Variants in UTS2 observed in about 807,000 individuals in gnomAD.
The protein encoded by UTS2 is urotensin-2.
In UTS2, 10 loss-of-function variants were observed where a neutral mutation model predicts 12.6. The ratio of observed to expected loss-of-function variants is 0.80; its 90% CI spans 0.49 to 1.35. The LOEUF (loss-of-function observed/expected upper bound fraction) is 1.35, where lower values mean the gene tolerates loss of function less well. UTS2 is among the 40% of genes most tolerant of loss of function. UTS2 has a pLI of 0.00. For missense variants in UTS2, 142 were observed against 143.2 expected (o/e 0.99, Z 0.04); for synonymous variants, 52 against 50.0 (o/e 1.04, Z -0.17).
the UTS2 span, among the ~76,000 whole-genome samples, chr1:7,871,872 C>A: frequency 7.4e-6 from 1 of 136,000 alleles, no homozygotes; most frequent in African/African-American, 3.0e-5. Context: ...CCCCATCTCT[C>A]CCTCTCCTTG....
chr1:7,867,893 T>G, the UTS2 span, among the ~76,000 whole-genome samples: 5 of 151,988 alleles, frequency 3.3e-5, no homozygotes, highest in Non-Finnish European at 7.4e-5. Context: ...AATAAATAAA[T>G]AAATAAACCT....
chr1:7,854,117 G>A (rs228647), upstream of UTS2, among the ~76,000 whole-genome samples: 77,699 of 151,480 alleles, frequency 0.51, 20,432 homozygotes, highest in Middle Eastern at 0.78. Flanking sequence ...AGGCTGAGGC[G>A]GATGGATCAC....
the UTS2 span, among the ~76,000 whole-genome samples, chr1:7,862,976 ATTTATTGTGTTGTGT>A: frequency 0.25 from 32,245 of 129,792 alleles, 4,389 homozygotes; most frequent in African/African-American, 0.28. Flanking sequence ...GACGGCCGTT[ATTTATTGTGTTGTGT>A]TGTATTGTAT....
At chr1:7,858,703 C>G in the UTS2 span, among the ~76,000 whole-genome samples, 1 of 152,176 alleles carries the variant, frequency 6.6e-6, no homozygotes, top group African/African-American at 2.4e-5. Context: ...CACGCTTCAG[C>G]CTCCCAAGTA....
At chr1:7,869,317 C>G in the UTS2 span, among the ~76,000 whole-genome samples, 1 of 152,202 alleles carries the variant, frequency 6.6e-6, no homozygotes, top group Non-Finnish European at 1.5e-5. Flanking sequence ...TGAGCCCTTT[C>G]AAGGGCAGCC....
the UTS2 span, among the ~76,000 whole-genome samples, chr1:7,893,788 T>C: frequency 6.6e-6 from 1 of 152,180 alleles, no homozygotes; most frequent in Non-Finnish European, 1.5e-5. Flanking sequence ...ACCCATATAT[T>C]TCGTCGCACT....
At chr1:7,911,950 TG>T in the UTS2 span, among the ~76,000 whole-genome samples, 1 of 152,018 alleles carries the variant, frequency 6.6e-6, no homozygotes, top group Non-Finnish European at 1.5e-5. Context: ...GATTCTGGCT[TG>T]TTATATACCT....
At chr1:7,881,474 G>C in the UTS2 span, among the ~76,000 whole-genome samples, 1 of 152,128 alleles carries the variant, frequency 6.6e-6, no homozygotes, top group Non-Finnish European at 1.5e-5. Flanking sequence ...AATCAGTGGT[G>C]TTCCCATACA....
At chr1:7,849,736 C>G in intron 2 of UTS2, 53 bp from the exon 3 acceptor site, 1 of 1,486,062 alleles carries the variant, frequency 6.7e-7, no homozygotes, top group Non-Finnish European at 9.2e-7. Flanking sequence ...CTCTTGTATG[C>G]TTGTTTTAAA....
chr1:7,880,820 CA>C, the UTS2 span, among the ~76,000 whole-genome samples: 1 of 152,090 alleles, frequency 6.6e-6, no homozygotes, highest in African/African-American at 2.4e-5. Context: ...ACCCTGATAC[CA>C]AACCCAGACA....
the UTS2 span, among the ~76,000 whole-genome samples, chr1:7,871,882 G>A: frequency 2.4e-5 from 3 of 126,130 alleles, no homozygotes; most frequent in South Asian, 2.3e-4. Context: ...CCCTCTCCTT[G>A]GGCCTCCTCA....
chr1:7,905,751 T>C, the UTS2 span, among the ~76,000 whole-genome samples: 1 of 152,182 alleles, frequency 6.6e-6, no homozygotes, highest in Non-Finnish European at 1.5e-5. Context: ...TTGTATTTCT[T>C]CCTTGGTGAA....
the UTS2 span, among the ~76,000 whole-genome samples, chr1:7,907,418 G>A: frequency 3.0e-4 from 45 of 151,436 alleles, no homozygotes; most frequent in African/African-American, 8.3e-4. Flanking sequence ...AGGCTGAGGC[G>A]GGAGGATTTC....
intron 2 of UTS2, among the ~76,000 whole-genome samples, chr1:7,849,904 C>T (rs917801499): frequency 3.3e-5 from 5 of 151,902 alleles, no homozygotes; most frequent in Non-Finnish European, 5.9e-5. Flanking sequence ...TCCAGTAGCT[C>T]GTCAAAGATA....
chr1:7,860,013 C>T, the UTS2 span, among the ~76,000 whole-genome samples: 1 of 151,358 alleles, frequency 6.6e-6, no homozygotes, highest in Non-Finnish European at 1.5e-5. Flanking sequence ...AAAATGCATA[C>T]ATATATATAT....
the UTS2 span, among the ~76,000 whole-genome samples, chr1:7,908,222 C>T: frequency 1.3e-5 from 2 of 151,168 alleles, no homozygotes; most frequent in Admixed American, 6.6e-5. Context: ...TCACTTGAAC[C>T]TGGAGTCAGA....
chr1:7,898,966 C>T, the UTS2 span, among the ~76,000 whole-genome samples: 6 of 152,004 alleles, frequency 3.9e-5, no homozygotes, highest in Admixed American at 1.3e-4. Flanking sequence ...TGAATTGGCT[C>T]GAGGTTCCAT....
At chr1:7,897,793 G>A in the UTS2 span, among the ~76,000 whole-genome samples, 1 of 152,048 alleles carries the variant, frequency 6.6e-6, no homozygotes, top group Non-Finnish European at 1.5e-5. Flanking sequence ...CACCATGTTG[G>A]CCAGGCTGGT....
chr1:7,878,045 A>T, the UTS2 span, among the ~76,000 whole-genome samples: 1 of 152,244 alleles, frequency 6.6e-6, no homozygotes, highest in Admixed American at 6.5e-5. Flanking sequence ...AAAAACAGCA[A>T]GAGAAAAGTG....
Sources: gnomAD v4.1 joint callset for allele counts (sites outside exome capture counted in the v4.1 genomes callset) on GRCh38, gnomAD v4.1.1 for gene constraint, MANE v1.5 for transcripts, NCBI Gene and HGNC (gene_info 2026-07-23, HGNC 2026-07-21) for gene names.